Variants in HCN1 observed in about 807,000 individuals in gnomAD.
HCN1 encodes potassium/sodium hyperpolarization-activated cyclic nucleotide-gated channel 1.
A neutral mutation model predicts 78.9 loss-of-function variants in HCN1; 13 were observed. That is an observed-to-expected ratio of 0.16 (90% CI 0.11 to 0.26). HCN1 has a LOEUF of 0.26. Ranked by LOEUF, HCN1 falls within the 10% of genes least tolerant of loss-of-function variation. HCN1 has a pLI of 1.00. For synonymous variants in HCN1, 552 were observed against 455.5 expected, an observed-to-expected ratio of 1.21 and a Z score of -2.70; for missense variants, 810 against 1,154.3, an observed-to-expected ratio of 0.70 and a Z score of 4.32.
chr5:45,452,132 A>G (rs1040209945), intron 3 of HCN1, among the ~76,000 whole-genome samples: 41 of 151,928 alleles, frequency 2.7e-4, no homozygotes, highest in African/African-American at 9.4e-4. Flanking sequence ...TCCCTACACA[A>G]TTTTTATCAT....
intron 2 of HCN1, among the ~76,000 whole-genome samples, chr5:45,472,269 C>T (rs1368090232): frequency 6.6e-6 from 1 of 151,802 alleles, no homozygotes; most frequent in Non-Finnish European, 1.5e-5. Context: ...TCAAATGTTG[C>T]TTCCTCAGGA....
chr5:45,358,069 G>C (rs1012878052), intron 4 of HCN1, among the ~76,000 whole-genome samples: 2 of 151,976 alleles, frequency 1.3e-5, no homozygotes, highest in African/African-American at 4.8e-5. Context: ...GCCCAAACTT[G>C]AACTTTCCAG....
chr5:45,572,408 T>C (rs1743854449), intron 2 of HCN1, among the ~76,000 whole-genome samples: 1 of 152,158 alleles, frequency 6.6e-6, no homozygotes, highest in Admixed American at 6.6e-5. Flanking sequence ...CTCAAAGTAC[T>C]TTAAAGAGAA....
intron 2 of HCN1, among the ~76,000 whole-genome samples, chr5:45,496,390 G>A (rs1222189107): frequency 6.6e-6 from 1 of 151,850 alleles, no homozygotes; most frequent in East Asian, 1.9e-4. Flanking sequence ...TATTTGCGTA[G>A]AGGTGTTTGT....
At chr5:45,353,045 G>A in intron 5 of HCN1, 55 bp downstream of exon 5, 1 of 1,438,706 alleles carries the variant, frequency 7.0e-7, no homozygotes, top group Non-Finnish European at 9.7e-7. Flanking sequence ...TCTCCATGAA[G>A]AGAGAAAATA....
rs397970171 is a variant in HCN1 at position 45,608,357 on chromosome 5, ATGTG to A, written c.849+36824_849+36827del. Among the ~76,000 whole-genome samples, 1,241 of 140,470 alleles carry A rather than the reference ATGTG, an allele frequency of 8.8e-3. 10 individuals are homozygous for A. Among genetic ancestry groups the A allele is most frequent in the East Asian group, 0.011 (52 of 4,698 alleles). The allele number at this position is 140,470 out of a possible 152,430, so 92.2% of individuals were successfully genotyped here. A position where few individuals can be genotyped will look rare whatever the true frequency, so the allele number is the denominator to read the frequency against. Reference sequence around the variant, plus strand: ...AGTTCCAAATGGGTAGGATGGGTGTATGTGTGTGTGTGTGTGTGTGTGTGTGTGT... The same window carrying A: ...AGTTCCAAATGGGTAGGATGGGTGTATGTGTGTGTGTGTGTGTGTGTGTGT... On this transcript the variant is annotated intron_variant, in intron 2 of 7. Coordinates refer to ENST00000303230, the MANE Select transcript of HCN1 (RefSeq NM_021072.4).
intron 4 of HCN1, among the ~76,000 whole-genome samples, chr5:45,382,689 A>G (rs1747833800): frequency 1.3e-5 from 2 of 152,198 alleles, no homozygotes; most frequent in Admixed American, 6.5e-5. Context: ...GCACTAAATA[A>G]CACCTGATGA....
rs556123911 is a variant in HCN1 at position 45,475,829 on chromosome 5, A to G, written c.850-13822T>C. 1.2e-4 allele frequency among the ~76,000 whole-genome samples: 19 copies of G among 152,254 alleles called. No homozygotes were observed. The South Asian group carries it at 3.1e-3, about 25-fold the overall frequency. ...ATGCACTTTTAGTTTGAGTCTAACA[A>G]CAGAAAAACGTTTTAATACGTCTAC... On this transcript the variant is annotated intron_variant, in intron 2 of 7. Transcript: ENST00000303230.
At chr5:45,546,207 C>T (rs1743224028) in intron 2 of HCN1, among the ~76,000 whole-genome samples, 1 of 151,928 alleles carries the variant, frequency 6.6e-6, no homozygotes, top group Non-Finnish European at 1.5e-5. Context: ...CTCTTCTTTT[C>T]TTCTGTTTTC....
intron 5 of HCN1, among the ~76,000 whole-genome samples, chr5:45,332,827 T>C (rs1428676812): frequency 1.3e-5 from 2 of 151,798 alleles, no homozygotes; most frequent in Non-Finnish European, 2.9e-5. Context: ...ATCTCATTTT[T>C]TTTTATGGCT....
intron 2 of HCN1, among the ~76,000 whole-genome samples, chr5:45,621,458 T>G (rs1413273560): frequency 2.0e-5 from 3 of 152,182 alleles, no homozygotes; most frequent in African/African-American, 4.8e-5. Flanking sequence ...CACCTCATGT[T>G]ATCACACTGA....
Position 45,258,800 on chromosome 5 carries a change from A to T in HCN1, c.*3121T>A, listed in dbSNP as rs1744673172. On this transcript the variant is annotated 3_prime_UTR_variant, in exon 8 of 8. Coordinates refer to ENST00000303230, the MANE Select transcript of HCN1 (RefSeq NM_021072.4). ...TTATAATAGAGCCCAAGGCCCTATTATAACAAAATAGGTATGTTATAAAAC... is the reference window on the plus strand; with the variant it reads ...TTATAATAGAGCCCAAGGCCCTATTTTAACAAAATAGGTATGTTATAAAAC... 6.6e-6 allele frequency: 1 copy of T among 152,016 alleles called. No individual in the cohort carries two copies. Among genetic ancestry groups the T allele is most frequent in the Non-Finnish European group, 1.5e-5 (1 of 67,928 alleles). 9.4% of individuals were successfully genotyped at this position (152,016 alleles called of 1,614,324 possible).
chr5:45,586,619 G>A (rs1744233709), intron 2 of HCN1, among the ~76,000 whole-genome samples: 1 of 152,254 alleles, frequency 6.6e-6, no homozygotes, highest in East Asian at 1.9e-4. Flanking sequence ...TGTCGCTCAG[G>A]CTGGGAGCTG....
chr5:45,611,273 T>TC (rs746868258), intron 2 of HCN1, among the ~76,000 whole-genome samples: 41 of 141,182 alleles, frequency 2.9e-4, no homozygotes, highest in African/African-American at 1.0e-3. Context: ...CTTTTTCTTT[T>TC]TTTTTTTTTT....
At chr5:45,274,989 G>A (rs1296699633) in intron 6 of HCN1, among the ~76,000 whole-genome samples, 2 of 152,068 alleles carry the variant, frequency 1.3e-5, no homozygotes, top group African/African-American at 4.8e-5. Flanking sequence ...TTTGTTTCAA[G>A]AAATATGGAA....
chr5:45,364,923 C>A (rs1747202529), intron 4 of HCN1, among the ~76,000 whole-genome samples: 1 of 151,982 alleles, frequency 6.6e-6, no homozygotes, highest in Non-Finnish European at 1.5e-5. Context: ...ATTTATTCTC[C>A]TATAACATCA....
chr5:45,352,506 C>G (rs897233428), intron 5 of HCN1, among the ~76,000 whole-genome samples: 1 of 151,764 alleles, frequency 6.6e-6, no homozygotes, highest in Non-Finnish European at 1.5e-5. Context: ...CACATGTACC[C>G]TAAAACTTAA....
chr5:45,537,942 C>T (rs1181985610), intron 2 of HCN1, among the ~76,000 whole-genome samples: 1 of 151,846 alleles, frequency 6.6e-6, no homozygotes, highest in Non-Finnish European at 1.5e-5. Context: ...ACAGAAAGTA[C>T]CGTCCTTTGG....
intron 3 of HCN1, among the ~76,000 whole-genome samples, chr5:45,428,033 G>GT (rs1205010167): frequency 2.0e-5 from 3 of 151,920 alleles, no homozygotes; most frequent in Non-Finnish European, 4.4e-5. Flanking sequence ...TTCTTACTTG[G>GT]TTTTTTACTT....
Sources: allele counts gnomAD v4.1 joint callset (sites outside exome capture counted in the v4.1 genomes callset), GRCh38; gene constraint gnomAD v4.1.1; transcripts MANE v1.5; gene names NCBI Gene and HGNC (gene_info 2026-07-23, HGNC 2026-07-21).